Variants in MYO15B observed in about 807,000 individuals in gnomAD.
MYO15B encodes the protein myosin XVB.
MYO15B carries 207 observed loss-of-function variants against 119.3 expected under a neutral mutation model. The observed-to-expected ratio is 1.73, with a 90% CI of 1.55 to 1.95. The LOEUF (loss-of-function observed/expected upper bound fraction) is 1.95. Ranked by LOEUF, MYO15B falls within the 30% of genes most tolerant of loss-of-function variation. The pLI, the probability that MYO15B is intolerant of heterozygous loss-of-function variation, is 0.00. For missense variants in MYO15B, 2,264 were observed against 1,203.1 expected (o/e 1.88, Z -13.04); for synonymous variants, 966 against 498.9 (o/e 1.94, Z -12.48).
chr17:75,610,028 C>T (rs888660179), intron 21 of MYO15B, 138 bp from the exon 22 acceptor site: 14 of 522,400 alleles, frequency 2.7e-5, no homozygotes, highest in South Asian at 1.0e-4. Flanking sequence ...CTTTTCCTGT[C>T]GTTTCTGTGA....
exon 29 of MYO15B, chr17:75,613,738 C>G (rs1260593132): frequency 1.4e-6 from 1 of 702,518 alleles, no homozygotes; most frequent in South Asian, 1.5e-5. Context: ...GAGTCTTGGA[C>G]CACCGGGGAG....
exon 3 of MYO15B, chr17:75,590,992 C>G (rs2056404862): frequency 1.7e-6 from 1 of 581,986 alleles, no homozygotes; most frequent in South Asian, 2.0e-5. Flanking sequence ...AGCTACCACC[C>G]CAGGAAGGCC....
chr17:75,596,865 T>G (rs1415649008), exon 14 of MYO15B: 2 of 702,892 alleles, frequency 2.8e-6, no homozygotes, highest in Non-Finnish European at 5.2e-6. Flanking sequence ...CACAGCCTCC[T>G]GAGTATCCTG....
At chr17:75,595,958 C>A (rs1035277726) in intron 12 of MYO15B, among the ~76,000 whole-genome samples, 2 of 152,216 alleles carry the variant, frequency 1.3e-5, no homozygotes, top group African/African-American at 4.8e-5. Flanking sequence ...TCCTTGTGAC[C>A]GTGCCCTCCC....
chr17:75,625,856 A>G (rs896054065), exon 62 of MYO15B: 1 of 702,958 alleles, frequency 1.4e-6, no homozygotes, highest in Admixed American at 2.0e-5. Flanking sequence ...GCCATGAGCC[A>G]GCTGCCCCTC....
At chr17:75,621,258 G>A in intron 50 of MYO15B, 82 bp downstream of exon 50, 2 of 661,978 alleles carry the variant, frequency 3.0e-6, no homozygotes, top group Admixed American at 2.1e-5. Flanking sequence ...CCACTGGGCT[G>A]TGCTCTTAGC....
chr17:75,615,676 T>C lies in MYO15B; in HGVS notation c.5839-17T>C. ...CTCGGGGATGAGGGTCTGAACTGGCTGCTCCTCCTGCTTCAGGCCCAGCAG... is the reference window on the plus strand; with the variant it reads ...CTCGGGGATGAGGGTCTGAACTGGCCGCTCCTCCTGCTTCAGGCCCAGCAG... On this transcript the variant is annotated splice_polypyrimidine_tract_variant and intron_variant, in intron 35 of 63. Coordinates refer to ENST00000645453, the Ensembl canonical transcript of MYO15B. The C allele has an allele frequency of 1.5e-6, 1 of 670,776 alleles. No individual in the cohort carries two copies. Among genetic ancestry groups the C allele is most frequent in the Non-Finnish European group, 2.7e-6 (1 of 366,164 alleles). 41.6% of individuals were successfully genotyped at this position (670,776 alleles called of 1,614,324 possible). A position where few individuals can be genotyped will look rare whatever the true frequency, so the allele number is the denominator to read the frequency against.
At chr17:75,614,830 T>C (rs1442986442) in exon 32 of MYO15B, 1 of 702,820 alleles carries the variant, frequency 1.4e-6, no homozygotes, top group Non-Finnish European at 2.6e-6. Flanking sequence ...TTCCAGCCAG[T>C]GATATCCTCC....
chr17:75,605,491 A>G lies in MYO15B; in HGVS notation c.4017-13A>G, dbSNP rs532408157. The G allele has an allele frequency of 2.1e-4, 146 of 701,090 alleles. No individual in the cohort carries two copies. Among genetic ancestry groups the G allele is most frequent in the South Asian group, 2.1e-3 (140 of 67,518 alleles). The allele number at this position is 701,090 out of a possible 1,614,324, so 43.4% of individuals were successfully genotyped here. On this transcript the variant is annotated splice_polypyrimidine_tract_variant and intron_variant, in intron 19 of 63. Transcript: ENST00000645453. ...TTCTGGCTATTCTGATCTCAGCTCC[A>G]TCCTTGGAGCAGCTTCCAGGCCCTG...
exon 61 of MYO15B, chr17:75,625,546 G>A (rs765226294): frequency 7.7e-5 from 54 of 702,976 alleles, no homozygotes; most frequent in Non-Finnish European, 1.1e-4. Context: ...GCTAGCTTAC[G>A]TGCCAAAGCA....
At chr17:75,615,726 T>C (rs554905731) in exon 36 of MYO15B, 2 of 697,538 alleles carry the variant, frequency 2.9e-6, no homozygotes, top group South Asian at 3.0e-5. Context: ...CATGTCCCTG[T>C]CCCTGGAGCA....
chr17:75,615,858 C>G (rs1271312088), exon 36 of MYO15B: 10 of 697,794 alleles, frequency 1.4e-5, no homozygotes, highest in Non-Finnish European at 2.4e-5. Context: ...ACAGCGTGAC[C>G]TGGGATCAGA....
At chr17:75,607,103 G>A (rs1217502361) in intron 21 of MYO15B, 2 of 395,506 alleles carry the variant, frequency 5.1e-6, no homozygotes, top group Non-Finnish European at 8.9e-6. Flanking sequence ...AGAGTAACTC[G>A]AGGGCTGAGA....
chr17:75,626,007 C>A, intron 62 of MYO15B, 30 bp downstream of exon 62: 1 of 699,366 alleles, frequency 1.4e-6, no homozygotes, highest in African/African-American at 1.7e-5. Context: ...CAGCACTGGC[C>A]TAGGGACCCT....
intron 25 of MYO15B, 35 bp from the exon 26 acceptor site, chr17:75,612,763 G>A: frequency 2.8e-6 from 2 of 702,810 alleles, no homozygotes; most frequent in East Asian, 2.7e-5. Context: ...TCTGATAGCT[G>A]GTGAGCATGG....
chr17:75,593,222 G>A (rs945023765), intron 9 of MYO15B, among the ~76,000 whole-genome samples: 3 of 116,016 alleles, frequency 2.6e-5, no homozygotes, highest in Admixed American at 9.7e-5. Context: ...AAAAAAAAAG[G>A]GTTGGCGGTG....
chr17:75,624,645 C>T lies in MYO15B; in HGVS notation c.8542+6C>T. 1.4e-6 allele frequency: 1 copy of T among 702,960 alleles called. No homozygotes were observed. The highest frequency in any genetic ancestry group is 2.6e-6 in the Non-Finnish European group (1 of 384,986). 43.5% of individuals were successfully genotyped at this position (702,960 alleles called of 1,614,324 possible). On this transcript the variant is annotated splice_donor_region_variant and intron_variant, in intron 58 of 63. Transcript: ENST00000645453. ...CTTCCTCATCAAAGAGAAGAGTAAG[C>T]TTGGGGACGGAGCCTCACGGTGGGG...
At chr17:75,602,578 G>T in exon 16 of MYO15B, 1 of 679,582 alleles carries the variant, frequency 1.5e-6, no homozygotes, top group Non-Finnish European at 2.7e-6. Context: ...GAGATGCTTG[G>T]CCAGAGCCAG....
chr17:75,607,431 A>ATTATTATT (rs1268339044), intron 21 of MYO15B, among the ~76,000 whole-genome samples: 20 of 140,472 alleles, frequency 1.4e-4, no homozygotes, highest in African/African-American at 4.3e-4. Context: ...GTTAATAATT[A>ATTATTATT]ATTATTATTA....
Sources: allele counts gnomAD v4.1 joint callset (sites outside exome capture counted in the v4.1 genomes callset), GRCh38; gene constraint gnomAD v4.1.1; transcripts MANE v1.5; gene names NCBI Gene and HGNC (gene_info 2026-07-23, HGNC 2026-07-21).